The following TMEM143 variants were observed in gnomAD, a reference collection of about 807,000 sequenced individuals.
TMEM143 encodes transmembrane protein 143.
In TMEM143, 45 loss-of-function variants were observed where a neutral mutation model predicts 40.3. That is an observed-to-expected ratio of 1.12 (90% CI 0.88 to 1.43). The LOEUF (loss-of-function observed/expected upper bound fraction) is 1.43, where lower values mean the gene tolerates loss of function less well. Among genes scored for constraint, TMEM143 ranks in the 40% most tolerant of loss-of-function variants. TMEM143 has a pLI of 0.00. For synonymous variants in TMEM143, 299 were observed against 282.7 expected, an observed-to-expected ratio of 1.06 and a Z score of -0.58; for missense variants, 620 against 613.4, an observed-to-expected ratio of 1.01 and a Z score of -0.11.
At chr19:48,344,412 C>G (rs924889705) in intron 4 of TMEM143, among the ~76,000 whole-genome samples, 2 of 151,762 alleles carry the variant, frequency 1.3e-5, no homozygotes, top group African/African-American at 4.8e-5. Context: ...CCTCAGCCTC[C>G]CGAGTAGCTG....
At chr19:48,361,470 G>A (rs910634870) in intron 2 of TMEM143, among the ~76,000 whole-genome samples, 3 of 151,228 alleles carry the variant, frequency 2.0e-5, no homozygotes, top group African/African-American at 4.9e-5. Context: ...CACCTGCATC[G>A]ACTTCCCAAA....
intron 4 of TMEM143, among the ~76,000 whole-genome samples, chr19:48,344,540 C>T (rs1258273739): frequency 6.6e-6 from 1 of 152,146 alleles, no homozygotes; most frequent in South Asian, 2.1e-4. Flanking sequence ...CCTCCTGCCT[C>T]GGCCTCCTGA....
At position 48,343,405 on chromosome 19, in the gene TMEM143, A is replaced by G. The variant is rs756613785; in HGVS notation, c.611T>C (p.Leu204Pro). ...GGGCATCTGCCCGACTCGCTGGCCC[A>G]GGGCCCAGAAGTGAATGTAGACATA... ...DQYVYIHFWA[L>P]GQRVGQMPLK... is the part of the protein sequence containing the mutation. The change falls in exon 5 of 8, where the codon CTG (leucine) becomes CCG (proline). Residue 204 changes from leucine to proline, a missense_variant. Physicochemically the swap from Leu to Pro is moderately conservative, Grantham distance 98. Coordinates refer to ENST00000293261, the MANE Select transcript of TMEM143 (RefSeq NM_018273.4). The G allele has an allele frequency of 1.3e-6, 2 of 1,594,846 alleles. No individual in the cohort carries two copies. The highest frequency in any genetic ancestry group is 1.7e-6 in the Non-Finnish European group (2 of 1,170,496).
chr19:48,347,229 A>G (rs1969654585), intron 3 of TMEM143, among the ~76,000 whole-genome samples: 1 of 152,196 alleles, frequency 6.6e-6, no homozygotes, highest in African/African-American at 2.4e-5. Context: ...ACCAGATCAT[A>G]AACCTAACCC....
At chr19:48,353,491 A>C (rs1169230168) in intron 3 of TMEM143, among the ~76,000 whole-genome samples, 1 of 151,772 alleles carries the variant, frequency 6.6e-6, no homozygotes, top group East Asian at 1.9e-4. Flanking sequence ...GCCCAACAAC[A>C]AACGATTTTT....
intron 3 of TMEM143, among the ~76,000 whole-genome samples, chr19:48,346,138 C>T (rs1969626509): frequency 6.6e-6 from 1 of 151,376 alleles, no homozygotes. Flanking sequence ...GTCACCCAGG[C>T]TGGAGTACAG....
chr19:48,361,607 T>A (rs941021116), intron 2 of TMEM143, among the ~76,000 whole-genome samples: 1 of 150,306 alleles, frequency 6.7e-6, no homozygotes, highest in Non-Finnish European at 1.5e-5. Context: ...CTCGGCTCAC[T>A]GCAAGCTCCG....
intron 3 of TMEM143, among the ~76,000 whole-genome samples, chr19:48,347,007 C>T (rs1372738924): frequency 2.6e-5 from 4 of 152,124 alleles, no homozygotes; most frequent in Non-Finnish European, 4.4e-5. Context: ...AGAAGCTTTC[C>T]GTGATGTTCA....
At chr19:48,359,819 C>T (rs1969997733) in intron 3 of TMEM143, 1 of 429,900 alleles carries the variant, frequency 2.3e-6, no homozygotes, top group African/African-American at 2.1e-5. Flanking sequence ...TCTCATCCCT[C>T]TTTATCTCAC....
intron 3 of TMEM143, among the ~76,000 whole-genome samples, chr19:48,351,154 G>A (rs1312454888): frequency 6.6e-6 from 1 of 151,756 alleles, no homozygotes; most frequent in Non-Finnish European, 1.5e-5. Context: ...CAACACCTCC[G>A]CAAGGGCATC....
In TMEM143 at chr19:48,353,191, T is replaced by TC. The variant is rs1047598101; in HGVS notation, c.369+6880_369+6881insG. On this transcript the variant is annotated intron_variant, in intron 3 of 7. Transcript: ENST00000293261. Reference sequence around the variant, plus strand: ...TTCAGATCAACGACAAACTTTTTTTTTTTTTTTAAACGGGGTCTCACTCTG... The same window carrying TC: ...TTCAGATCAACGACAAACTTTTTTTTCTTTTTTTAAACGGGGTCTCACTCTG... 2.3e-4 allele frequency among the ~76,000 whole-genome samples: 35 copies of TC among 151,492 alleles called. No homozygotes were observed. The South Asian group carries it at 6.9e-3, about 30-fold the overall frequency.
At chr19:48,349,230 C>T (rs577610930) in intron 3 of TMEM143, among the ~76,000 whole-genome samples, 1 of 152,102 alleles carries the variant, frequency 6.6e-6, no homozygotes, top group South Asian at 2.1e-4. Context: ...GTTTTAGTTC[C>T]TCCAGCCACA....
intron 2 of TMEM143, 168 bp from the exon 3 acceptor site, chr19:48,360,344 C>G (rs372164210): frequency 1.6e-6 from 1 of 614,004 alleles, no homozygotes; most frequent in Non-Finnish European, 2.9e-6. Context: ...TTTGGGAGGC[C>G]GAGGCAGTGG....
intron 2 of TMEM143, among the ~76,000 whole-genome samples, chr19:48,362,703 G>C (rs768662818): frequency 3.3e-5 from 5 of 152,152 alleles, no homozygotes; most frequent in Admixed American, 2.0e-4. Flanking sequence ...GGTCAAGCGA[G>C]TGCCCTACTT....
intron 3 of TMEM143, among the ~76,000 whole-genome samples, chr19:48,358,630 G>A (rs531109433): frequency 5.3e-5 from 8 of 152,090 alleles, no homozygotes; most frequent in Admixed American, 1.3e-4. Context: ...TCAGCAAAAC[G>A]CTGATGCCTT....
chr19:48,350,107 T>C (rs1969730277), intron 3 of TMEM143, among the ~76,000 whole-genome samples: 1 of 151,034 alleles, frequency 6.6e-6, no homozygotes. Context: ...TTCAAGTGAT[T>C]CTCCTGCCTC....
chr19:48,359,359 C>A (rs1969979897), intron 3 of TMEM143, among the ~76,000 whole-genome samples: 2 of 151,982 alleles, frequency 1.3e-5, no homozygotes, highest in Non-Finnish European at 2.9e-5. Flanking sequence ...GGCCTTTGCA[C>A]TTGCTCTTCC....
intron 3 of TMEM143, among the ~76,000 whole-genome samples, chr19:48,347,892 A>T (rs1411805932): frequency 6.7e-6 from 1 of 148,646 alleles, no homozygotes; most frequent in African/African-American, 2.5e-5. Context: ...ACAATAGTGC[A>T]TGCCTGTGGT....
intron 4 of TMEM143, 86 bp downstream of exon 4, chr19:48,345,074 C>A: frequency 1.4e-6 from 2 of 1,440,904 alleles, no homozygotes; most frequent in Non-Finnish European, 9.5e-7. Flanking sequence ...CTCAGGACTA[C>A]AACTCCCAGC....
Sources: allele counts gnomAD v4.1 joint callset (sites outside exome capture counted in the v4.1 genomes callset), GRCh38; gene constraint gnomAD v4.1.1; transcripts MANE v1.5; gene names NCBI Gene and HGNC (gene_info 2026-07-23, HGNC 2026-07-21).